The following NKAIN2 variants were observed in gnomAD, a reference collection of about 807,000 sequenced individuals.
The protein encoded by NKAIN2 is sodium/potassium transporting ATPase interacting 2, also known as sodium/potassium-transporting ATPase subunit beta-1-interacting protein 2.
In NKAIN2, 14 loss-of-function variants were observed where a neutral mutation model predicts 32.6. The ratio of observed to expected loss-of-function variants is 0.43; its 90% CI spans 0.28 to 0.67. NKAIN2 has a LOEUF of 0.67. NKAIN2 is among the 30% of genes least tolerant of loss of function. NKAIN2 has a pLI of 0.17. For missense variants in NKAIN2, 198 were observed against 258.3 expected (o/e 0.77, Z 1.60); for synonymous variants, 80 against 87.2 (o/e 0.92, Z 0.46).
intron 1 of NKAIN2, among the ~76,000 whole-genome samples, chr6:123,848,200 A>G (rs1775171677): frequency 6.6e-6 from 1 of 152,184 alleles, no homozygotes; most frequent in African/African-American, 2.4e-5. Context: ...ACTGGAGCCT[A>G]GAGCTTTGAT....
At chr6:123,870,946 C>T (rs191162977) in intron 1 of NKAIN2, among the ~76,000 whole-genome samples, 13 of 152,132 alleles carry the variant, frequency 8.5e-5, no homozygotes, top group African/African-American at 2.7e-4. Context: ...ATTTTCCAAT[C>T]GTCAGAAGCA....
chr6:124,818,705 T>C (rs915911945), intron 6 of NKAIN2, among the ~76,000 whole-genome samples: 1 of 152,136 alleles, frequency 6.6e-6, no homozygotes, highest in Non-Finnish European at 1.5e-5. Context: ...AAGTATCACC[T>C]ACATGGCTCA....
Position 124,729,224 on chromosome 6 carries a change from C to G in NKAIN2, c.475-62115C>G, listed in dbSNP as rs1274197883. ...CTCATTTTATGAGGCCAGCATCATT[C>G]TGATACCAAAGCCAGGCAGAGACAC... On this transcript the variant is annotated intron_variant, in intron 4 of 6. Coordinates refer to ENST00000368417, the MANE Select transcript of NKAIN2 (RefSeq NM_001040214.3). Among the ~76,000 whole-genome samples the G allele has an allele frequency of 4.6e-5, 7 of 150,972 alleles. No individual in the cohort carries two copies. The East Asian group carries it at 1.4e-3, about 29-fold the overall frequency.
chr6:124,680,659 A>G (rs1773577052), intron 4 of NKAIN2, among the ~76,000 whole-genome samples: 1 of 152,088 alleles, frequency 6.6e-6, no homozygotes, highest in South Asian at 2.1e-4. Flanking sequence ...AAATAATGCA[A>G]ATAATAAGGG....
At chr6:124,384,854 C>G (rs1772823151) in intron 3 of NKAIN2, among the ~76,000 whole-genome samples, 1 of 152,116 alleles carries the variant, frequency 6.6e-6, no homozygotes, top group Admixed American at 6.5e-5. Context: ...AACTCCTGGG[C>G]TCAAATGATC....
At chr6:124,031,630 A>T (rs1243071999) in intron 1 of NKAIN2, among the ~76,000 whole-genome samples, 1 of 152,158 alleles carries the variant, frequency 6.6e-6, no homozygotes, top group Non-Finnish European at 1.5e-5. Flanking sequence ...CACTGGTTTC[A>T]AAGAACATCT....
At chr6:124,328,157 C>T (rs988680081) in intron 2 of NKAIN2, among the ~76,000 whole-genome samples, 1 of 152,136 alleles carries the variant, frequency 6.6e-6, no homozygotes, top group Admixed American at 6.6e-5. Context: ...TATTTAGTAA[C>T]AGCCTGGATG....
intron 3 of NKAIN2, among the ~76,000 whole-genome samples, chr6:124,633,584 A>C (rs574408926): frequency 6.6e-6 from 1 of 152,332 alleles, no homozygotes; most frequent in African/African-American, 2.4e-5. Flanking sequence ...ATGTTTCCAT[A>C]AATTATTCTC....
intron 3 of NKAIN2, among the ~76,000 whole-genome samples, chr6:124,578,014 A>C (rs1440290173): frequency 6.6e-6 from 1 of 152,174 alleles, no homozygotes; most frequent in African/African-American, 2.4e-5. Flanking sequence ...AGGATTCATC[A>C]GCTGCTGATT....
In NKAIN2 at chr6:124,367,228, CTAATTA is replaced by C. The variant is rs373302517; in HGVS notation, c.273+11884_273+11889del. Among the ~76,000 whole-genome samples the C allele has an allele frequency of 4.9e-3, 745 of 152,178 alleles. 4 individuals are homozygous for C. The highest frequency in any genetic ancestry group is 0.017 in the African/African-American group (702 of 41,532). The stretch of plus-strand genomic sequence containing the variant: ...AATAAGTTGTTCTTATCAATATATT[CTAATTA>C]TATGTTTCCTTAACTATCTGTTCTT... On this transcript the variant is annotated intron_variant, in intron 3 of 6. Coordinates refer to ENST00000368417, the MANE Select transcript of NKAIN2 (RefSeq NM_001040214.3).
rs140795312 is a variant in NKAIN2, at chr6:124,090,696, A to T, written c.55-192309A>T. Reference sequence around the variant, plus strand: ...CTTTACTTTTCTTCACCTCAGTGAAACCAAGATAAAGATACAGCCCATGTC... The same window carrying T: ...CTTTACTTTTCTTCACCTCAGTGAATCCAAGATAAAGATACAGCCCATGTC... On this transcript the variant is annotated intron_variant, in intron 1 of 6. Coordinates refer to ENST00000368417, the MANE Select transcript of NKAIN2 (RefSeq NM_001040214.3). Among the ~76,000 whole-genome samples, 626 of 152,154 alleles carry T rather than the reference A, an allele frequency of 4.1e-3. 4 individuals are homozygous for T. Among genetic ancestry groups the T allele is most frequent in the African/African-American group, 0.014 (591 of 41,544 alleles).
chr6:124,019,806 G>C (rs1189146275), intron 1 of NKAIN2, among the ~76,000 whole-genome samples: 3 of 151,918 alleles, frequency 2.0e-5, no homozygotes, highest in Non-Finnish European at 4.4e-5. Context: ...TTCTTGACAT[G>C]ATCCCCATCC....
At chr6:124,793,789 C>CT (rs988871078) in intron 5 of NKAIN2, among the ~76,000 whole-genome samples, 1 of 151,560 alleles carries the variant, frequency 6.6e-6, no homozygotes, top group Non-Finnish European at 1.5e-5. Context: ...AAAGTATGTC[C>CT]TTTTTTTTGT....
intron 3 of NKAIN2, among the ~76,000 whole-genome samples, chr6:124,544,632 C>T (rs769956077): frequency 3.3e-5 from 5 of 151,398 alleles, no homozygotes; most frequent in Non-Finnish European, 5.9e-5. Flanking sequence ...GAATGTTTCC[C>T]GAACCTCAAT....
At chr6:124,577,816 G>A (rs777846126) in intron 3 of NKAIN2, among the ~76,000 whole-genome samples, 1 of 152,100 alleles carries the variant, frequency 6.6e-6, no homozygotes, top group Non-Finnish European at 1.5e-5. Flanking sequence ...TCTCCTTGAG[G>A]AGAGGACAAG....
At chr6:123,970,761 A>T (rs1442500882) in intron 1 of NKAIN2, among the ~76,000 whole-genome samples, 2 of 152,050 alleles carry the variant, frequency 1.3e-5, no homozygotes, top group African/African-American at 4.8e-5. Context: ...GCGTGCCTGT[A>T]ATCGCAGCTA....
chr6:124,734,488 C>T (rs1776844731), intron 4 of NKAIN2, among the ~76,000 whole-genome samples: 1 of 151,650 alleles, frequency 6.6e-6, no homozygotes, highest in Admixed American at 6.6e-5. Flanking sequence ...TATCATTACC[C>T]TTCAAAATTT....
chr6:124,411,990 G>C (rs1774209798), intron 3 of NKAIN2, among the ~76,000 whole-genome samples: 1 of 152,148 alleles, frequency 6.6e-6, no homozygotes, highest in Non-Finnish European at 1.5e-5. Context: ...TGAGGCTTGT[G>C]CATTCATCAC....
rs993219509 is a variant in NKAIN2, at chr6:123,905,485, A to G, written c.54+101231A>G. Among the ~76,000 whole-genome samples the G allele has an allele frequency of 2.0e-5, 3 of 152,236 alleles. No homozygotes were observed. The South Asian group carries it at 6.2e-4, about 32-fold the overall frequency. On this transcript the variant is annotated intron_variant, in intron 1 of 6. Transcript: ENST00000368417. Reference sequence around the variant, plus strand: ...TGTTTCCATGGGAGACACTAACTCTATATTCCCAGCCTGTTTACTATCAAA... The same window carrying G: ...TGTTTCCATGGGAGACACTAACTCTGTATTCCCAGCCTGTTTACTATCAAA...
Sources: gnomAD v4.1 joint callset for allele counts (sites outside exome capture counted in the v4.1 genomes callset) on GRCh38, gnomAD v4.1.1 for gene constraint, MANE v1.5 for transcripts, NCBI Gene and HGNC (gene_info 2026-07-23, HGNC 2026-07-21) for gene names.